AUTS2: variants seen among roughly 807,000 people sequenced by gnomAD.
AUTS2 encodes activator of transcription and developmental regulator AUTS2.
AUTS2 carries 17 observed loss-of-function variants against 112.4 expected under a neutral mutation model. The ratio of observed to expected loss-of-function variants is 0.15; its 90% CI spans 0.10 to 0.23. The LOEUF (loss-of-function observed/expected upper bound fraction) is 0.23, where lower values mean the gene tolerates loss of function less well. AUTS2 is among the 10% of genes least tolerant of loss of function. The pLI, the probability that AUTS2 is intolerant of heterozygous loss-of-function variation, is 1.00. For missense variants in AUTS2, 1,510 were observed against 1,701.6 expected, an observed-to-expected ratio of 0.89 and a Z score of 1.98; for synonymous variants, 751 against 702.7, an observed-to-expected ratio of 1.07 and a Z score of -1.09.
At chr7:70,057,576 G>T (rs1042880078) in intron 2 of AUTS2, among the ~76,000 whole-genome samples, 1 of 152,174 alleles carries the variant, frequency 6.6e-6, no homozygotes, top group African/African-American at 2.4e-5. Context: ...AATAATTGAT[G>T]TGGAATAAGT....
At chr7:70,368,095 G>A (rs531105889) in intron 4 of AUTS2, among the ~76,000 whole-genome samples, 350 of 152,228 alleles carry the variant, frequency 2.3e-3, no homozygotes, top group African/African-American at 8.2e-3. Context: ...TCACACTCGT[G>A]GAAGATCAAA....
At chr7:70,361,391 T>G (rs1792259260) in intron 4 of AUTS2, among the ~76,000 whole-genome samples, 2 of 152,080 alleles carry the variant, frequency 1.3e-5, no homozygotes, top group Non-Finnish European at 2.9e-5. Flanking sequence ...GAGCAAAGTA[T>G]TTTGCTCGTG....
At chr7:70,196,592 T>A (rs1392315589) in intron 4 of AUTS2, among the ~76,000 whole-genome samples, 1 of 152,236 alleles carries the variant, frequency 6.6e-6, no homozygotes, top group Non-Finnish European at 1.5e-5. Context: ...TCAGATTTGA[T>A]CAGTAATGGC....
rs577268955 is a variant in AUTS2, at chr7:69,778,681, G to A, written c.310-120605G>A. ...TGATTTTTGTTCTTGTAAAGTTAAT[G>A]CTGGGAACAAGCCAGTTGGTTTTCT... On this transcript the variant is annotated intron_variant, in intron 1 of 18. Coordinates refer to ENST00000342771, the MANE Select transcript of AUTS2 (RefSeq NM_015570.4). Among the ~76,000 whole-genome samples the A allele has an allele frequency of 2.6e-5, 4 of 152,268 alleles. No individual in the cohort carries two copies. In the South Asian group the frequency reaches 8.3e-4, roughly 32 times the overall value.
chr7:70,766,379 C>G lies in AUTS2; in HGVS notation c.1689+45C>G. 6.2e-7 allele frequency: 1 copy of G among 1,604,246 alleles called. No individual in the cohort carries two copies. Among genetic ancestry groups the G allele is most frequent in the Non-Finnish European group, 8.5e-7 (1 of 1,173,306 alleles). On this transcript the variant is annotated intron_variant, in intron 9 of 18. Transcript: ENST00000342771. The surrounding 1 kb of genome is among the most constrained non-coding windows in gnomAD (Gnocchi z 4.8). ...ATGTGAGGATAAGTAGAGCACGACTCTTTTCTTTATGCAGCACGTGGGACC... is the reference window on the plus strand; with the variant it reads ...ATGTGAGGATAAGTAGAGCACGACTGTTTTCTTTATGCAGCACGTGGGACC...
At chr7:70,728,341 G>A (rs1435027704) in intron 6 of AUTS2, among the ~76,000 whole-genome samples, 3 of 152,134 alleles carry the variant, frequency 2.0e-5, no homozygotes, top group Non-Finnish European at 2.9e-5. Context: ...TTTTTGTAGT[G>A]CAGCATTATC....
Position 70,766,665 on chromosome 7 carries a change from G to T in AUTS2, c.1689+331G>T, listed in dbSNP as rs1789968603. Reference sequence around the variant, plus strand: ...GAACTTCCCGGGGGACTGTCACCAGGCAGAAAATGCACCTGCTTGTGCTTT... The same window carrying T: ...GAACTTCCCGGGGGACTGTCACCAGTCAGAAAATGCACCTGCTTGTGCTTT... On this transcript the variant is annotated intron_variant, in intron 9 of 18. Transcript: ENST00000342771. The surrounding 1 kb of genome is among the most constrained non-coding windows in gnomAD (Gnocchi z 4.8). Among the ~76,000 whole-genome samples, 1 of 152,224 alleles carries T rather than the reference G, an allele frequency of 6.6e-6. No individual in the cohort carries two copies. The highest frequency in any genetic ancestry group is 1.5e-5 in the Non-Finnish European group (1 of 68,042).
intron 5 of AUTS2, among the ~76,000 whole-genome samples, chr7:70,490,524 G>A (rs1798190157): frequency 6.6e-6 from 1 of 152,032 alleles, no homozygotes; most frequent in Non-Finnish European, 1.5e-5. Flanking sequence ...CAGGACCTGT[G>A]TACACAGCCC....
chr7:70,264,095 T>C (rs889964090), intron 4 of AUTS2, among the ~76,000 whole-genome samples: 2 of 152,216 alleles, frequency 1.3e-5, no homozygotes, highest in Admixed American at 1.3e-4. Flanking sequence ...TCAATTCTAT[T>C]ATGTTGGAAG....
rs1805237070 is a variant in AUTS2, at chr7:70,631,143, C to T, written c.691-67426C>T. On this transcript the variant is annotated intron_variant, in intron 5 of 18. Transcript: ENST00000342771. The surrounding 1 kb of genome is among the most constrained non-coding windows in gnomAD (Gnocchi z 4.5). ...GCTCTGGCCCCTCGCCGCGCCATTC[C>T]TGATGACAAACTGCCAGCCAGCTCC... 6.6e-6 allele frequency among the ~76,000 whole-genome samples: 1 copy of T among 152,204 alleles called. No homozygotes were observed. Among genetic ancestry groups the T allele is most frequent in the African/African-American group, 2.4e-5 (1 of 41,448 alleles).
intron 1 of AUTS2, among the ~76,000 whole-genome samples, chr7:69,844,710 C>T (rs893282753): frequency 1.4e-4 from 21 of 152,158 alleles, no homozygotes; most frequent in African/African-American, 4.8e-4. Context: ...CCTCAGCTCT[C>T]TAGATCTGTT....
At chr7:69,806,239 C>A in intron 1 of AUTS2, among the ~76,000 whole-genome samples, 1 of 132,124 alleles carries the variant, frequency 7.6e-6, no homozygotes, top group African/African-American at 2.8e-5. Context: ...AAACCAGCGT[C>A]ACAACCACAG....
chr7:69,934,126 T>C (rs1796322566), intron 2 of AUTS2, among the ~76,000 whole-genome samples: 1 of 152,238 alleles, frequency 6.6e-6, no homozygotes, highest in Admixed American at 6.5e-5. Context: ...TTGTTGATTT[T>C]AGTGGGAATT....
At position 70,321,476 on chromosome 7, in the gene AUTS2, G is replaced by A. The variant is rs1790250868; in HGVS notation, c.661-114276G>A. 2.6e-5 allele frequency among the ~76,000 whole-genome samples: 4 copies of A among 152,130 alleles called. 1 individual carries two copies. The South Asian group carries it at 8.3e-4, about 32-fold the overall frequency. On this transcript the variant is annotated intron_variant, in intron 4 of 18. Coordinates refer to ENST00000342771, the MANE Select transcript of AUTS2 (RefSeq NM_015570.4). The stretch of plus-strand genomic sequence containing the variant: ...ATAATTGTGAACAGAAAGTAAGGAA[G>A]CATATGCACTCTGATCTTTTTAAAG...
intron 5 of AUTS2, among the ~76,000 whole-genome samples, chr7:70,521,425 G>A (rs971435782): frequency 1.3e-5 from 2 of 152,212 alleles, no homozygotes; most frequent in Admixed American, 1.3e-4. Context: ...CCAAGCAAGG[G>A]CCCAAGTCAC....
At chr7:69,972,363 T>C (rs1033349455) in intron 2 of AUTS2, among the ~76,000 whole-genome samples, 1 of 152,182 alleles carries the variant, frequency 6.6e-6, no homozygotes, top group African/African-American at 2.4e-5. Flanking sequence ...AAGTCTTTAT[T>C]GGGTATGTGG....
intron 2 of AUTS2, among the ~76,000 whole-genome samples, chr7:70,041,741 A>G (rs941471651): frequency 1.3e-5 from 2 of 152,198 alleles, no homozygotes; most frequent in African/African-American, 4.8e-5. Context: ...CTGTGATTCT[A>G]TAATCAGAAA....
At chr7:69,807,324 G>A (rs1447441732) in intron 1 of AUTS2, among the ~76,000 whole-genome samples, 1 of 152,126 alleles carries the variant, frequency 6.6e-6, no homozygotes, top group South Asian at 2.1e-4. Flanking sequence ...TTTTTTAGGT[G>A]TATTAGTTAT....
intron 5 of AUTS2, among the ~76,000 whole-genome samples, chr7:70,455,394 G>A (rs770798937): frequency 5.3e-5 from 8 of 152,134 alleles, no homozygotes; most frequent in Non-Finnish European, 1.2e-4. Context: ...GATGCCCGCA[G>A]CATCTGTGCC....
Sources: gnomAD v4.1 joint callset for allele counts (sites outside exome capture counted in the v4.1 genomes callset) on GRCh38, gnomAD v4.1.1 for gene constraint, Gnocchi (gnomAD v3.1) non-coding constraint, MANE v1.5 for transcripts, NCBI Gene and HGNC (gene_info 2026-07-23, HGNC 2026-07-21) for gene names.